COL9A1: variants seen among roughly 807,000 people sequenced by gnomAD.
The protein encoded by COL9A1 is collagen type IX alpha 1 chain.
Under a neutral mutation model 142.6 loss-of-function variants are expected in COL9A1, and 104 were observed. That is an observed-to-expected ratio of 0.73 (90% CI 0.62 to 0.86). The LOEUF is 0.86. Among genes scored for constraint, COL9A1 ranks in the 40% least tolerant of loss-of-function variants. COL9A1 has a pLI of 0.00. For synonymous variants in COL9A1, 466 were observed against 396.0 expected (o/e 1.18, Z -2.10); for missense variants, 1,210 against 1,176.6 (o/e 1.03, Z -0.42).
chr6:70,299,672 A>G (rs1056347715), intron 4 of COL9A1, among the ~76,000 whole-genome samples: 1 of 152,172 alleles, frequency 6.6e-6, no homozygotes, highest in Non-Finnish European at 1.5e-5. Flanking sequence ...CACCATTGTG[A>G]GTCTTCTAAC....
chr6:70,283,076 T>C (rs1214004442), intron 6 of COL9A1, 158 bp from the exon 7 acceptor site: 1 of 1,577,424 alleles, frequency 6.3e-7, no homozygotes, highest in Non-Finnish European at 8.6e-7. Context: ...CGCTAATCCC[T>C]TGGCCCGGCT....
intron 5 of COL9A1, among the ~76,000 whole-genome samples, chr6:70,289,084 C>T (rs898005529): frequency 2.6e-5 from 4 of 152,148 alleles, no homozygotes; most frequent in Admixed American, 2.6e-4. Context: ...TGTGGCAATT[C>T]CCTTCCCCTG....
intron 5 of COL9A1, among the ~76,000 whole-genome samples, chr6:70,290,603 G>C (rs1226300028): frequency 6.7e-6 from 1 of 148,472 alleles, no homozygotes; most frequent in East Asian, 2.0e-4. Context: ...GGATAGGCAG[G>C]GGGAAAATAG....
At chr6:70,218,185 T>C (rs1441076595) in intron 37 of COL9A1, among the ~76,000 whole-genome samples, 1 of 152,210 alleles carries the variant, frequency 6.6e-6, no homozygotes, top group Non-Finnish European at 1.5e-5. Flanking sequence ...AAGCACCTGA[T>C]AAATAGGGGC....
chr6:70,249,547 GA>G (rs1770802949), intron 28 of COL9A1, among the ~76,000 whole-genome samples: 1 of 152,112 alleles, frequency 6.6e-6, no homozygotes, highest in Non-Finnish European at 1.5e-5. Context: ...TGGAAATGAA[GA>G]GTCAAATATA....
chr6:70,290,096 A>C (rs539250246), intron 5 of COL9A1, among the ~76,000 whole-genome samples: 5 of 152,240 alleles, frequency 3.3e-5, no homozygotes, highest in Admixed American at 1.3e-4. Context: ...TGCTCAGGTA[A>C]AAAGAAGGAT....
At chr6:70,279,510 G>A (rs1772980135) in intron 10 of COL9A1, 1 of 152,390 alleles carries the variant, frequency 6.6e-6, no homozygotes, top group African/African-American at 2.4e-5. Context: ...GCATGGTGGA[G>A]GGCACCTGTA....
intron 36 of COL9A1, among the ~76,000 whole-genome samples, chr6:70,231,563 C>CA (rs3842610): frequency 0.054 from 7,989 of 149,232 alleles, 312 homozygotes; most frequent in South Asian, 0.17. Context: ...CTGAACACGC[C>CA]AAAAAAAAAT....
At chr6:70,290,856 A>G (rs1191973643) in intron 5 of COL9A1, among the ~76,000 whole-genome samples, 1 of 152,050 alleles carries the variant, frequency 6.6e-6, no homozygotes, top group Non-Finnish European at 1.5e-5. Flanking sequence ...AAAATGTAAA[A>G]CCACACTTTT....
chr6:70,270,638 C>T (rs1290805914), intron 14 of COL9A1, among the ~76,000 whole-genome samples: 2 of 152,214 alleles, frequency 1.3e-5, no homozygotes, highest in East Asian at 1.9e-4. Context: ...ATCAGACAAA[C>T]ATTTTATCTA....
intron 28 of COL9A1, 89 bp from the exon 29 acceptor site, chr6:70,242,804 T>C: frequency 7.6e-7 from 1 of 1,313,088 alleles, no homozygotes; most frequent in African/African-American, 1.5e-5. Flanking sequence ...CCTACCTAGG[T>C]TTTTTTCCTT....
At chr6:70,283,318 C>T in intron 6 of COL9A1, 2 of 1,223,978 alleles carry the variant, frequency 1.6e-6, no homozygotes, top group Non-Finnish European at 2.2e-6. Flanking sequence ...CCCTTCCCTG[C>T]CGCCGCACAG....
chr6:70,295,105 A>G (rs993888414), intron 4 of COL9A1, among the ~76,000 whole-genome samples: 1 of 152,096 alleles, frequency 6.6e-6, no homozygotes, highest in African/African-American at 2.4e-5. Context: ...TCCCAGACCC[A>G]TATAAGTATT....
chr6:70,241,353 C>T (rs1436166919), intron 31 of COL9A1, 66 bp downstream of exon 31: 3 of 1,294,664 alleles, frequency 2.3e-6, no homozygotes, highest in Middle Eastern at 1.8e-4. Context: ...CCAGCCATTC[C>T]CCCTTGCTTG....
chr6:70,262,688 A>G (rs933143872), intron 19 of COL9A1, among the ~76,000 whole-genome samples: 3 of 152,254 alleles, frequency 2.0e-5, no homozygotes, highest in Non-Finnish European at 4.4e-5. Context: ...TGATTTAACA[A>G]CATTTGAAAT....
rs80327360 is a variant in COL9A1 at position 70,234,726 on chromosome 6, C to T, written c.2259+68G>A. On this transcript the variant is annotated intron_variant, in intron 34 of 37. Coordinates refer to ENST00000357250, the MANE Select transcript of COL9A1 (RefSeq NM_001851.6). ...AGAGAACTTGTTGAGAAGCTGATGC[C>T]TAGAACAGCCCTGCTGCTGTGGGAT... The T allele has an allele frequency of 2.7e-4, 434 of 1,609,174 alleles. 1 individual carries two copies. The African/African-American group carries it at 5.2e-3, about 19-fold the overall frequency.
Position 70,217,003 on chromosome 6 carries a change from C to T in COL9A1, c.2660G>A (p.Gly887Glu). The change falls in exon 38 of 38, where the codon GGA becomes GAA. Residue 887 changes from glycine to glutamate, a missense_variant. By Grantham distance (98) the Gly-to-Glu change is moderately conservative. Transcript: ENST00000357250. The part of the protein sequence containing the change: ...RGPPGVAGIP[G>E]VPGPPGPPGL... ...AGGAGGTCCCGGGGGTCCAGGCACTCCAGGAATTCCTGCCACCCCTGGGGG... is the reference window on the plus strand; with the variant it reads ...AGGAGGTCCCGGGGGTCCAGGCACTTCAGGAATTCCTGCCACCCCTGGGGG... 1 of 1,614,142 alleles carries T rather than the reference C, an allele frequency of 6.2e-7. No individual in the cohort carries two copies. Among genetic ancestry groups the T allele is most frequent in the Non-Finnish European group, 8.5e-7 (1 of 1,180,012 alleles).
intron 12 of COL9A1, 62 bp from the exon 13 acceptor site, chr6:70,272,150 T>C (rs930818022): frequency 1.5e-6 from 2 of 1,342,988 alleles, no homozygotes; most frequent in African/African-American, 1.5e-5. Flanking sequence ...AATATGAATG[T>C]AGACATAACT....
At chr6:70,234,755 G>C in intron 34 of COL9A1, 39 bp downstream of exon 34, 1 of 1,613,764 alleles carries the variant, frequency 6.2e-7, no homozygotes, top group Non-Finnish European at 8.5e-7. Context: ...GTGGGATGGA[G>C]TCTCCAAAGG....
Sources: allele counts gnomAD v4.1 joint callset (sites outside exome capture counted in the v4.1 genomes callset), GRCh38; gene constraint gnomAD v4.1.1; transcripts MANE v1.5; gene names NCBI Gene and HGNC (gene_info 2026-07-23, HGNC 2026-07-21).